The following SULT6B1 variants were observed in gnomAD, a reference collection of about 807,000 sequenced individuals.
SULT6B1 encodes the protein sulfotransferase 6B1.
A neutral mutation model predicts 37.2 loss-of-function variants in SULT6B1; 44 were observed. That is an observed-to-expected ratio of 1.18 (90% confidence interval 0.93 to 1.52). SULT6B1 has a LOEUF of 1.52. Ranked by LOEUF, SULT6B1 falls within the 40% of genes most tolerant of loss-of-function variation. The probability of loss-of-function intolerance (pLI) is 0.00; values close to 1 mark genes in which losing one functional copy is unlikely to be tolerated. For synonymous variants in SULT6B1, 140 were observed against 126.0 expected (o/e 1.11, Z -0.74); for missense variants, 450 against 361.0 (o/e 1.25, Z -2.00).
At chr2:37,184,830 TA>T (rs551575379) in intron 2 of SULT6B1, among the ~76,000 whole-genome samples, 116 of 144,148 alleles carry the variant, frequency 8.0e-4, no homozygotes, top group Admixed American at 1.1e-3. Context: ...AGACTCCATT[TA>T]AAAAAAAAAA....
chr2:37,171,354 G>T, intron 6 of SULT6B1, 80 bp downstream of exon 6: 2 of 1,506,350 alleles, frequency 1.3e-6, no homozygotes, highest in Non-Finnish European at 9.0e-7. Context: ...TCTGACTTAA[G>T]ATGAAGTTAT....
chr2:37,176,159 C>G (rs148897514), intron 4 of SULT6B1, among the ~76,000 whole-genome samples: 1 of 151,732 alleles, frequency 6.6e-6, no homozygotes, highest in African/African-American at 2.4e-5. Context: ...CTCCTTGTAC[C>G]TTAGATTCCT....
intron 6 of SULT6B1, among the ~76,000 whole-genome samples, chr2:37,168,534 G>A (rs1188529658): frequency 1.3e-5 from 2 of 152,198 alleles, no homozygotes; most frequent in East Asian, 1.9e-4. Context: ...ACCATCTGTG[G>A]TGTGGGAGGT....
intron 1 of SULT6B1, chr2:37,194,496 A>G (rs1469407377): frequency 2.4e-6 from 1 of 408,602 alleles, no homozygotes; most frequent in South Asian, 2.0e-5. Flanking sequence ...CGGATACGGT[A>G]CGGGACATTC....
At chr2:37,186,448 C>A (rs936984280) in intron 2 of SULT6B1, among the ~76,000 whole-genome samples, 3 of 152,154 alleles carry the variant, frequency 2.0e-5, no homozygotes, top group Admixed American at 2.0e-4. Context: ...ACATCCAAGA[C>A]CCAGTTAGTT....
intron 3 of SULT6B1, among the ~76,000 whole-genome samples, chr2:37,182,662 CA>C (rs1004347248): frequency 6.6e-6 from 1 of 151,946 alleles, no homozygotes; most frequent in African/African-American, 2.4e-5. Flanking sequence ...GTAACTAATT[CA>C]AATCATTTTC....
intron 3 of SULT6B1, among the ~76,000 whole-genome samples, chr2:37,180,387 T>C (rs956039042): frequency 1.3e-5 from 2 of 152,208 alleles, no homozygotes; most frequent in African/African-American, 4.8e-5. Flanking sequence ...GGGAGAAGTC[T>C]AGAATTGACT....
chr2:37,183,893 C>T (rs868036036), intron 2 of SULT6B1, among the ~76,000 whole-genome samples: 9 of 152,204 alleles, frequency 5.9e-5, no homozygotes, highest in African/African-American at 2.2e-4. Context: ...ATCTGCTCGC[C>T]TCAGCCTCCC....
intron 5 of SULT6B1, among the ~76,000 whole-genome samples, chr2:37,172,468 T>C (rs967024183): frequency 1.8e-4 from 27 of 152,188 alleles, no homozygotes; most frequent in Admixed American, 1.7e-3. Context: ...TTCTTTCATA[T>C]TATATACATG....
intron 2 of SULT6B1, 150 bp from the exon 3 acceptor site, chr2:37,183,664 A>G: frequency 1.6e-6 from 1 of 621,824 alleles, no homozygotes; most frequent in Non-Finnish European, 2.8e-6. Flanking sequence ...TCTTTTTTGA[A>G]ACAGAGTCTC....
chr2:37,180,360 G>A (rs769197133), intron 3 of SULT6B1, among the ~76,000 whole-genome samples: 2 of 152,198 alleles, frequency 1.3e-5, no homozygotes, highest in African/African-American at 2.4e-5. Flanking sequence ...GCAGATTTGT[G>A]ATATTCACTT....
At chr2:37,178,776 G>A (rs1676484860) in intron 4 of SULT6B1, among the ~76,000 whole-genome samples, 1 of 152,116 alleles carries the variant, frequency 6.6e-6, no homozygotes, top group South Asian at 2.1e-4. Flanking sequence ...AGGTATAGTA[G>A]CTCAGTGTCA....
intron 2 of SULT6B1, 40 bp from the exon 3 acceptor site, chr2:37,183,554 G>T: frequency 1.4e-6 from 2 of 1,467,452 alleles, no homozygotes; most frequent in Non-Finnish European, 1.9e-6. Flanking sequence ...GTGCACGTGT[G>T]TGCATGTGTG....
intron 4 of SULT6B1, among the ~76,000 whole-genome samples, chr2:37,178,371 G>A (rs966839207): frequency 1.3e-5 from 2 of 152,142 alleles, no homozygotes; most frequent in African/African-American, 4.8e-5. Flanking sequence ...AAGTAGCTGG[G>A]ATTACAGGCA....
At chr2:37,168,271 C>T (rs1436763604) in intron 6 of SULT6B1, among the ~76,000 whole-genome samples, 1 of 152,090 alleles carries the variant, frequency 6.6e-6, no homozygotes, top group Non-Finnish European at 1.5e-5. Context: ...AGCAATTCTC[C>T]CTGCCTTAGC....
Position 37,171,496 on chromosome 2 carries a change from T to G in SULT6B1, c.719A>C (p.Gln240Pro), listed in dbSNP as rs763357523. The G allele has an allele frequency of 1.2e-6, 2 of 1,614,160 alleles. No homozygotes were observed. The highest frequency in any genetic ancestry group is 1.7e-6 in the Non-Finnish European group (2 of 1,180,022). ...IQTISVQSTF[Q>P]AMRAKSQDTH... ...GTCCTGAGACTTCGCACGCATGGCT[T>G]GGAAGGTGCTCTGGACTGAGATAGT... The change falls in exon 6 of 7, where the codon CAA becomes CCA. Residue 240 changes from glutamine to proline, a missense_variant. Coordinates refer to ENST00000535679, the MANE Select transcript of SULT6B1 (RefSeq NM_001367551.1).
At chr2:37,176,449 G>A (rs1043758992) in intron 4 of SULT6B1, among the ~76,000 whole-genome samples, 2 of 151,754 alleles carry the variant, frequency 1.3e-5, no homozygotes, top group African/African-American at 2.4e-5. Context: ...TGGTAGAGAC[G>A]AGGTTTCACC....
rs200260190 is a variant in SULT6B1, at chr2:37,183,469, G to C, written c.358C>G (p.His120Asp). ...ATAGACCCAGGTAATTTGTCATAGT[G>C]GAGGTGAGTTGCCAAAATCCTTGGT... ...PSPRILATHL[H>D]YDKLPGSIFE... The change falls in exon 3 of 7, where the codon CAC becomes GAC. Residue 120 changes from histidine to aspartate, a missense_variant. By Grantham distance (81) the His-to-Asp change is moderately conservative. Transcript: ENST00000535679. 3.1e-6 allele frequency: 5 copies of C among 1,614,124 alleles called. No individual in the cohort carries two copies. The East Asian group carries it at 1.1e-4, about 36-fold the overall frequency.
At chr2:37,170,051 A>G (rs1418896797) in intron 6 of SULT6B1, among the ~76,000 whole-genome samples, 1 of 152,184 alleles carries the variant, frequency 6.6e-6, no homozygotes, top group African/African-American at 2.4e-5. Flanking sequence ...TGCCTTTCCC[A>G]TAGTCATTTT....
Sources: gnomAD v4.1 joint callset for allele counts (sites outside exome capture counted in the v4.1 genomes callset) on GRCh38, gnomAD v4.1.1 for gene constraint, MANE v1.5 for transcripts, NCBI Gene and HGNC (gene_info 2026-07-23, HGNC 2026-07-21) for gene names.